The following CCDC7 variants were observed in gnomAD, a reference collection of about 807,000 sequenced individuals.
CCDC7 encodes coiled-coil domain-containing protein 7.
Under a neutral mutation model 196.9 loss-of-function variants are expected in CCDC7, and 183 were observed. That is an observed-to-expected ratio of 0.93 (90% CI 0.82 to 1.05). The LOEUF (loss-of-function observed/expected upper bound fraction) is 1.05, where lower values mean the gene tolerates loss of function less well. Among genes scored for constraint, CCDC7 ranks in the 50% least tolerant of loss-of-function variants. CCDC7 has a pLI of 0.00. For synonymous variants in CCDC7, 525 were observed against 484.6 expected (o/e 1.08, Z -1.10); for missense variants, 1,540 against 1,482.2 (o/e 1.04, Z -0.64).
At chr10:32,469,604 A>G (rs535044282) in intron 5 of CCDC7, among the ~76,000 whole-genome samples, 4 of 152,278 alleles carry the variant, frequency 2.6e-5, no homozygotes, top group Non-Finnish European at 5.9e-5. Flanking sequence ...CAAGGGTGAT[A>G]TGTTGGAAAA....
In CCDC7 at chr10:32,722,328, C is replaced by T. The variant is rs77545275; in HGVS notation, c.2570-4406C>T. 7.9e-3 allele frequency among the ~76,000 whole-genome samples: 1,202 copies of T among 152,160 alleles called. 7 individuals are homozygous for T. Among genetic ancestry groups the T allele is most frequent in the Middle Eastern group, 0.02 (6 of 294 alleles). ...CATAACAATGGAGGTTTTAGTGGTC[C>T]AGTGGGACCCATGCATACTTTGTTA... On this transcript the variant is annotated intron_variant, in intron 25 of 41. Transcript: ENST00000639629.
intron 41 of CCDC7, among the ~76,000 whole-genome samples, chr10:32,859,570 G>T (rs2093892984): frequency 6.6e-6 from 1 of 152,090 alleles, no homozygotes; most frequent in African/African-American, 2.4e-5. Flanking sequence ...ACTAAGATCA[G>T]AGCAGAACTG....
At chr10:32,655,157 C>G (rs573231148) in intron 20 of CCDC7, among the ~76,000 whole-genome samples, 1 of 152,088 alleles carries the variant, frequency 6.6e-6, no homozygotes, top group Non-Finnish European at 1.5e-5. Context: ...TTTGCCCTCT[C>G]TAGGGGTTGT....
At chr10:32,690,617 A>C (rs2076973127) in intron 23 of CCDC7, among the ~76,000 whole-genome samples, 1 of 152,240 alleles carries the variant, frequency 6.6e-6, no homozygotes, top group African/African-American at 2.4e-5. Context: ...ATGGAGAAAT[A>C]GTCTTATAGA....
chr10:32,472,421 TA>T lies in CCDC7; in HGVS notation c.678-58del, dbSNP rs200582544. The T allele has an allele frequency of 1.1e-3, 1,568 of 1,426,802 alleles. 15 individuals carry two copies. In the African/African-American group the frequency reaches 0.021, roughly 19 times the overall value. 88.4% of individuals were successfully genotyped at this position (1,426,802 alleles called of 1,614,324 possible). A position where few individuals can be genotyped will look rare whatever the true frequency, so the allele number is the denominator to read the frequency against. On this transcript the variant is annotated intron_variant, in intron 6 of 41. Coordinates refer to ENST00000639629, the Ensembl canonical transcript of CCDC7. Reference sequence around the variant, plus strand: ...ACTTCACATTTTAGTTATTTTAGTGTAATTTAAACTCTTACTCTTTGATATA... The same window carrying T: ...ACTTCACATTTTAGTTATTTTAGTGTATTTAAACTCTTACTCTTTGATATA...
intron 29 of CCDC7, among the ~76,000 whole-genome samples, chr10:32,789,649 A>G (rs2082388115): frequency 6.6e-6 from 1 of 152,132 alleles, no homozygotes. Flanking sequence ...CTTAATTCCC[A>G]ATGCAGCAGT....
chr10:32,561,702 A>G (rs1461206497), intron 13 of CCDC7, among the ~76,000 whole-genome samples: 1 of 152,270 alleles, frequency 6.6e-6, no homozygotes, highest in Non-Finnish European at 1.5e-5. Context: ...AAAGCAGGAA[A>G]GATCTAAAAT....
At chr10:32,603,694 C>T (rs4749738) in intron 18 of CCDC7, among the ~76,000 whole-genome samples, 20,971 of 150,664 alleles carry the variant, frequency 0.14, 1,762 homozygotes, top group East Asian at 0.25. Context: ...ATTTAGATTT[C>T]GTTATGATTA....
At chr10:32,602,906 G>A (rs552714098) in intron 18 of CCDC7, among the ~76,000 whole-genome samples, 139 of 152,142 alleles carry the variant, frequency 9.1e-4, no homozygotes, top group Non-Finnish European at 1.6e-3. Context: ...TGATAAAATC[G>A]GGGTCTTTAG....
chr10:32,827,973 A>G (rs1316639323), intron 32 of CCDC7, among the ~76,000 whole-genome samples: 12 of 152,070 alleles, frequency 7.9e-5, no homozygotes, highest in Admixed American at 7.9e-4. Flanking sequence ...CTGAAAAGAG[A>G]CATTTATCAT....
chr10:32,689,767 C>CT (rs2076868050), intron 23 of CCDC7, among the ~76,000 whole-genome samples: 2 of 151,804 alleles, frequency 1.3e-5, no homozygotes, highest in South Asian at 4.2e-4. Flanking sequence ...CACGGTCTCA[C>CT]TTTCTTGCCC....
Position 32,473,978 on chromosome 10 carries a change from G to GC in CCDC7, c.754dup (p.His252ProfsTer4). Reference sequence around the variant, plus strand: ...CACTTTTACTTCAGAATTCTTAGAAGCCCACTCAACTGATGAATTTAAAGA... The same window carrying GC: ...CACTTTTACTTCAGAATTCTTAGAAGCCCCACTCAACTGATGAATTTAAAGA... On this transcript the variant is annotated frameshift_variant, in exon 8 of 42. Coordinates refer to ENST00000639629, the Ensembl canonical transcript of CCDC7. LOFTEE classifies it high-confidence loss of function. The GC allele has an allele frequency of 6.2e-7, 1 of 1,609,264 alleles. No individual in the cohort carries two copies. Among genetic ancestry groups the GC allele is most frequent in the Non-Finnish European group, 8.5e-7 (1 of 1,177,956 alleles).
At chr10:32,646,485 G>A (rs1432657558) in intron 20 of CCDC7, among the ~76,000 whole-genome samples, 1 of 152,104 alleles carries the variant, frequency 6.6e-6, no homozygotes, top group Admixed American at 6.6e-5. Flanking sequence ...GGTGAAGAAT[G>A]TATATTCTCT....
chr10:32,510,384 T>G (rs2045919740), intron 9 of CCDC7, among the ~76,000 whole-genome samples: 1 of 152,194 alleles, frequency 6.6e-6, no homozygotes, highest in African/African-American at 2.4e-5. Context: ...TAGTGAACAA[T>G]ACTGCATTGT....
chr10:32,806,713 G>GA (rs1312778510), intron 30 of CCDC7, among the ~76,000 whole-genome samples: 9 of 152,058 alleles, frequency 5.9e-5, no homozygotes, highest in African/African-American at 2.2e-4. Flanking sequence ...GAAAGGAGCA[G>GA]AAAAAATATG....
chr10:32,622,156 T>G (rs1196399459), intron 18 of CCDC7, among the ~76,000 whole-genome samples: 1 of 152,220 alleles, frequency 6.6e-6, no homozygotes, highest in Non-Finnish European at 1.5e-5. Context: ...TTTTTGACTC[T>G]TGGCTAACTC....
chr10:32,867,121 G>T (rs973202169), intron 41 of CCDC7, among the ~76,000 whole-genome samples: 4 of 151,540 alleles, frequency 2.6e-5, no homozygotes. Flanking sequence ...CAAATTTAGT[G>T]CATGGTCCTA....
At chr10:32,623,568 C>T (rs1219407510) in intron 18 of CCDC7, among the ~76,000 whole-genome samples, 1 of 152,092 alleles carries the variant, frequency 6.6e-6, no homozygotes, top group Non-Finnish European at 1.5e-5. Flanking sequence ...TCTTCTACAA[C>T]CTGCTTCTCC....
chr10:32,683,629 C>T (rs866195544), intron 21 of CCDC7, among the ~76,000 whole-genome samples: 1 of 152,180 alleles, frequency 6.6e-6, no homozygotes, highest in Non-Finnish European at 1.5e-5. Context: ...TTTTCCACTT[C>T]TTTGTGTCAT....
Sources: allele counts gnomAD v4.1 joint callset (sites outside exome capture counted in the v4.1 genomes callset), GRCh38; gene constraint gnomAD v4.1.1; transcripts MANE v1.5; gene names NCBI Gene and HGNC (gene_info 2026-07-23, HGNC 2026-07-21).